TNIK: variants seen among roughly 807,000 people sequenced by gnomAD.
TNIK encodes TRAF2 and NCK interacting kinase.
In TNIK, 49 loss-of-function variants were observed where a neutral mutation model predicts 191.3. That is an observed-to-expected ratio of 0.26 (90% CI 0.20 to 0.32). The LOEUF is 0.32. Ranked by LOEUF, TNIK falls within the 10% of genes least tolerant of loss-of-function variation. The pLI, the probability that TNIK is intolerant of heterozygous loss-of-function variation, is 1.00. For missense variants in TNIK, 1,155 were observed against 1,702.3 expected, an observed-to-expected ratio of 0.68 and a Z score of 5.66; for synonymous variants, 594 against 600.9, an observed-to-expected ratio of 0.99 and a Z score of 0.17.
intron 3 of TNIK, among the ~76,000 whole-genome samples, chr3:171,223,335 G>A (rs1303163294): frequency 6.6e-6 from 1 of 152,178 alleles, no homozygotes; most frequent in Non-Finnish European, 1.5e-5. Flanking sequence ...AAGTGTATAA[G>A]CTTTATTTAT....
intron 1 of TNIK, among the ~76,000 whole-genome samples, chr3:171,371,108 T>C (rs1301767590): frequency 2.0e-5 from 3 of 152,068 alleles, no homozygotes; most frequent in Admixed American, 1.3e-4. Context: ...GCCATGCTCT[T>C]GTGAAGAATA....
intron 1 of TNIK, among the ~76,000 whole-genome samples, chr3:171,403,146 C>T (rs1482772253): frequency 1.3e-5 from 2 of 152,172 alleles, no homozygotes; most frequent in African/African-American, 2.4e-5. Flanking sequence ...ACAGATAGTC[C>T]AGCCTGGGGC....
chr3:171,099,231 A>G (rs1273647387), intron 22 of TNIK, among the ~76,000 whole-genome samples: 2 of 152,120 alleles, frequency 1.3e-5, no homozygotes, highest in African/African-American at 4.8e-5. Context: ...TCCAATGGCT[A>G]CATATAAAGA....
intron 1 of TNIK, among the ~76,000 whole-genome samples, chr3:171,452,625 G>C (rs1175438156): frequency 6.6e-6 from 1 of 151,782 alleles, no homozygotes; most frequent in African/African-American, 2.4e-5. Context: ...GTCTTCCAGT[G>C]GGCCACCCCA....
At chr3:171,345,926 A>G (rs1712104237) in intron 2 of TNIK, among the ~76,000 whole-genome samples, 1 of 152,108 alleles carries the variant, frequency 6.6e-6, no homozygotes, top group African/African-American at 2.4e-5. Context: ...GAAGTGAACA[A>G]ATGAATGAAT....
At chr3:171,451,164 G>GGT (rs1462151506) in intron 1 of TNIK, among the ~76,000 whole-genome samples, 1 of 152,146 alleles carries the variant, frequency 6.6e-6, no homozygotes, top group African/African-American at 2.4e-5. Flanking sequence ...CAGAAATGAT[G>GGT]GTGTGTGATT....
At chr3:171,407,515 G>C (rs1721851850) in intron 1 of TNIK, among the ~76,000 whole-genome samples, 1 of 152,124 alleles carries the variant, frequency 6.6e-6, no homozygotes. Flanking sequence ...TCTTTAAACA[G>C]ACTGAGGGAT....
chr3:171,425,655 G>A lies in TNIK; in HGVS notation c.57+34352C>T, dbSNP rs555416573. Among the ~76,000 whole-genome samples, 4 of 152,056 alleles carry A rather than the reference G, an allele frequency of 2.6e-5. No homozygotes were observed. The South Asian group carries it at 8.3e-4, about 32-fold the overall frequency. ...AGCCTGGCCAACATGGTGAAACCCTGTTCCTACTAAAAATACAGAAAAGTT... is the reference window on the plus strand; with the variant it reads ...AGCCTGGCCAACATGGTGAAACCCTATTCCTACTAAAAATACAGAAAAGTT... On this transcript the variant is annotated intron_variant, in intron 1 of 32. Transcript: ENST00000436636.
intron 1 of TNIK, among the ~76,000 whole-genome samples, chr3:171,386,862 T>A (rs1165649610): frequency 6.6e-6 from 1 of 152,234 alleles, no homozygotes; most frequent in African/African-American, 2.4e-5. Flanking sequence ...TGAAAAACTT[T>A]GCCACTCCAG....
At chr3:171,093,144 G>T (rs1722277280) in intron 23 of TNIK, among the ~76,000 whole-genome samples, 2 of 152,156 alleles carry the variant, frequency 1.3e-5, no homozygotes, top group African/African-American at 4.8e-5. Context: ...TGGTGATGAT[G>T]AAGTGAAAAA....
At chr3:171,294,359 G>C (rs948417831) in intron 2 of TNIK, among the ~76,000 whole-genome samples, 2 of 152,152 alleles carry the variant, frequency 1.3e-5, no homozygotes, top group African/African-American at 4.8e-5. Flanking sequence ...AGGACATCAA[G>C]GCTGCAGTGA....
intron 13 of TNIK, among the ~76,000 whole-genome samples, chr3:171,140,063 G>A (rs1264480162): frequency 1.3e-5 from 2 of 152,206 alleles, no homozygotes; most frequent in East Asian, 1.9e-4. Context: ...ACCAGAGATG[G>A]CATGAGTAGA....
At chr3:171,449,666 T>C (rs1291258634) in intron 1 of TNIK, among the ~76,000 whole-genome samples, 7 of 152,158 alleles carry the variant, frequency 4.6e-5, no homozygotes. Context: ...TTTAAATAAT[T>C]TGAGAATTCT....
chr3:171,069,911 C>G (rs894453828), intron 29 of TNIK, among the ~76,000 whole-genome samples: 12 of 152,208 alleles, frequency 7.9e-5, no homozygotes, highest in Non-Finnish European at 1.0e-4. Context: ...TATGGGAAGG[C>G]TTGGCCTCTT....
At chr3:171,282,381 G>A (rs1173329039) in intron 2 of TNIK, among the ~76,000 whole-genome samples, 3 of 117,486 alleles carry the variant, frequency 2.6e-5, no homozygotes, top group Non-Finnish European at 3.4e-5. Context: ...CGCTCTTGTT[G>A]CCCAGGCTGG....
intron 3 of TNIK, among the ~76,000 whole-genome samples, chr3:171,227,547 T>C (rs1027999712): frequency 6.6e-6 from 1 of 152,186 alleles, no homozygotes; most frequent in African/African-American, 2.4e-5. Context: ...GTTGTGTTTA[T>C]GTAAATTATT....
rs185239014 is a variant in TNIK, at chr3:171,372,988, C to T, written c.58-3303G>A. Among the ~76,000 whole-genome samples, 136 of 152,266 alleles carry T rather than the reference C, an allele frequency of 8.9e-4. 1 individual carries two copies. Among genetic ancestry groups the T allele is most frequent in the Middle Eastern group, 6.8e-3 (2 of 294 alleles). On this transcript the variant is annotated intron_variant, in intron 1 of 32. Transcript: ENST00000436636. ...AGTCAGAGGTATTATTCAGTGACAC[C>T]TCAGTACTGACCCTAGGCTCTCTTC...
intron 28 of TNIK, among the ~76,000 whole-genome samples, chr3:171,075,776 G>C (rs1466177495): frequency 7.0e-6 from 1 of 143,054 alleles, no homozygotes; most frequent in African/African-American, 2.6e-5. Flanking sequence ...TCGTACTGTT[G>C]CCCAGGCTGG....
intron 21 of TNIK, chr3:171,106,692 C>T (rs1218920077): frequency 1.9e-6 from 1 of 534,140 alleles, no homozygotes; most frequent in African/African-American, 1.9e-5. Flanking sequence ...TTCCAGGATT[C>T]ATTAACTAAA....
Sources: allele counts gnomAD v4.1 joint callset (sites outside exome capture counted in the v4.1 genomes callset), GRCh38; gene constraint gnomAD v4.1.1; transcripts MANE v1.5; gene names NCBI Gene and HGNC (gene_info 2026-07-23, HGNC 2026-07-21).